Variants in HECW1 observed in about 807,000 individuals in gnomAD.
HECW1 encodes the protein E3 ubiquitin-protein ligase HECW1.
HECW1 carries 61 observed loss-of-function variants against 182.3 expected under a neutral mutation model. That is an observed-to-expected ratio of 0.33 (90% CI 0.27 to 0.41). The LOEUF (loss-of-function observed/expected upper bound fraction) is 0.41. Among genes scored for constraint, HECW1 ranks in the 10% least tolerant of loss-of-function variants. The pLI is 1.00. For missense variants in HECW1, 1,739 were observed against 2,108.9 expected (o/e 0.82, Z 3.44); for synonymous variants, 859 against 832.6 (o/e 1.03, Z -0.55).
intron 2 of HECW1, among the ~76,000 whole-genome samples, chr7:43,202,817 G>A (rs941044551): frequency 6.6e-6 from 1 of 152,160 alleles, no homozygotes; most frequent in African/African-American, 2.4e-5. Context: ...GAAAATGGCT[G>A]ATTCCTGCCT....
At chr7:43,186,755 T>G (rs1473973195) in intron 2 of HECW1, among the ~76,000 whole-genome samples, 1 of 152,192 alleles carries the variant, frequency 6.6e-6, no homozygotes, top group Non-Finnish European at 1.5e-5. Context: ...CACAAATACT[T>G]ACCATTGCAT....
chr7:43,127,142 C>A (rs1786336001), intron 2 of HECW1, among the ~76,000 whole-genome samples: 1 of 152,096 alleles, frequency 6.6e-6, no homozygotes, highest in Admixed American at 6.5e-5. Flanking sequence ...GCCTCTTGCA[C>A]CAAACAGTTA....
chr7:43,471,622 C>G (rs1302770282), intron 16 of HECW1, among the ~76,000 whole-genome samples: 2 of 152,174 alleles, frequency 1.3e-5, no homozygotes, highest in African/African-American at 4.8e-5. Flanking sequence ...TCTTCAGAGT[C>G]TGAGAAAGGA....
At chr7:43,407,881 A>T (rs2075664380) in intron 8 of HECW1, 150 bp downstream of exon 8, 1 of 684,958 alleles carries the variant, frequency 1.5e-6, no homozygotes, top group Non-Finnish European at 2.4e-6. Flanking sequence ...CATGTTCTCC[A>T]GGGGTTGCAA....
At chr7:43,471,756 T>C (rs1026458080) in intron 16 of HECW1, among the ~76,000 whole-genome samples, 1 of 152,216 alleles carries the variant, frequency 6.6e-6, no homozygotes, top group African/African-American at 2.4e-5. Flanking sequence ...GGGTCCTATC[T>C]TGTGGCAGAC....
At chr7:43,253,720 A>G (rs1381822922) in intron 3 of HECW1, among the ~76,000 whole-genome samples, 1 of 152,192 alleles carries the variant, frequency 6.6e-6, no homozygotes, top group Non-Finnish European at 1.5e-5. Context: ...AGCCTGGCCA[A>G]TATGGTGAAA....
chr7:43,389,095 C>T (rs1274466337), intron 6 of HECW1, among the ~76,000 whole-genome samples: 6 of 152,074 alleles, frequency 3.9e-5, no homozygotes, highest in Non-Finnish European at 7.4e-5. Context: ...GCCAAGGGGT[C>T]GCCAGAATCT....
At chr7:43,237,603 G>T (rs1798494356) in intron 2 of HECW1, among the ~76,000 whole-genome samples, 1 of 152,168 alleles carries the variant, frequency 6.6e-6, no homozygotes, top group African/African-American at 2.4e-5. Flanking sequence ...TTATTGTGAG[G>T]ATCAAATGGG....
intron 2 of HECW1, among the ~76,000 whole-genome samples, chr7:43,156,764 G>C (rs1789925301): frequency 6.7e-6 from 1 of 150,304 alleles, no homozygotes; most frequent in Non-Finnish European, 1.5e-5. Flanking sequence ...GCACTGGCCA[G>C]TGGAATAAGT....
Position 43,344,816 on chromosome 7 carries a change from A to G in HECW1, c.461-16070A>G, listed in dbSNP as rs116152633. Among the ~76,000 whole-genome samples the G allele has an allele frequency of 8.9e-3, 1,355 of 152,024 alleles. 22 individuals are homozygous for G. Among genetic ancestry groups the G allele is most frequent in the African/African-American group, 0.032 (1,315 of 41,450 alleles). ...ACTGTTAAACCTATTCATTGAGTTCACTATTTCAAAGTACAGTTTATCAGA... is the reference window on the plus strand; with the variant it reads ...ACTGTTAAACCTATTCATTGAGTTCGCTATTTCAAAGTACAGTTTATCAGA... On this transcript the variant is annotated intron_variant, in intron 5 of 29. Coordinates refer to ENST00000395891, the MANE Select transcript of HECW1 (RefSeq NM_015052.5).
At chr7:43,203,069 T>C (rs1795157508) in intron 2 of HECW1, among the ~76,000 whole-genome samples, 1 of 152,148 alleles carries the variant, frequency 6.6e-6, no homozygotes, top group South Asian at 2.1e-4. Context: ...AAAGCCTGTT[T>C]GGTGGTCTCT....
chr7:43,213,852 G>A (rs1439302735), intron 2 of HECW1, among the ~76,000 whole-genome samples: 1 of 152,010 alleles, frequency 6.6e-6, no homozygotes, highest in Admixed American at 6.5e-5. Context: ...ATAGCATTAG[G>A]AAGAAATTTT....
Position 43,479,698 on chromosome 7 carries a change from C to G in HECW1, c.3188C>G (p.Thr1063Ser). The G allele has an allele frequency of 6.2e-7, 1 of 1,614,108 alleles. No individual in the cohort carries two copies. Among genetic ancestry groups the G allele is most frequent in the Non-Finnish European group, 8.5e-7 (1 of 1,180,012 alleles). Residue 1063 changes from threonine (T) to serine (S), a missense_variant, in exon 17 of 30, where the codon ACT becomes AGT. By Grantham distance (58) the Thr-to-Ser change is moderately conservative. Around this residue, in one of 5 missense-constraint regions of HECW1, gnomAD observed 971 missense variants for 1,029.1 expected, o/e 0.94. Coordinates refer to ENST00000395891, the MANE Select transcript of HECW1 (RefSeq NM_015052.5). ...LQNGRLPNHL[T>S]HRQHLQRLRS... ...AACGGTCGTCTTCCCAATCATCTAACTCACCGACAGCACCTCCAGAGGCTC... is the reference window on the plus strand; with the variant it reads ...AACGGTCGTCTTCCCAATCATCTAAGTCACCGACAGCACCTCCAGAGGCTC...
intron 3 of HECW1, among the ~76,000 whole-genome samples, chr7:43,281,846 G>A (rs184628366): frequency 2.7e-4 from 40 of 150,412 alleles, no homozygotes; most frequent in Non-Finnish European, 3.2e-4. Context: ...AATATTATGG[G>A]TGTGAGCCAC....
At chr7:43,130,422 T>C (rs1190372823) in intron 2 of HECW1, among the ~76,000 whole-genome samples, 3 of 152,182 alleles carry the variant, frequency 2.0e-5, no homozygotes, top group East Asian at 3.8e-4. Flanking sequence ...TCTGTGTACA[T>C]TGAACCGTCA....
In HECW1 at chr7:43,552,209, A is replaced by C. The variant is rs1241676595; in HGVS notation, c.4396-13A>C. 1 of 1,561,034 alleles carries C rather than the reference A, an allele frequency of 6.4e-7. No individual in the cohort carries two copies. Among genetic ancestry groups the C allele is most frequent in the South Asian group, 1.1e-5 (1 of 90,146 alleles). ...GTTTGGACCTGGATGCTGAAGCCTA[A>C]CCTGCATTTCAGGTTGTAGACTCGA... On this transcript the variant is annotated splice_polypyrimidine_tract_variant and intron_variant, in intron 27 of 29. Coordinates refer to ENST00000395891, the MANE Select transcript of HECW1 (RefSeq NM_015052.5).
intron 24 of HECW1, chr7:43,510,148 G>A (rs1337898979): frequency 2.0e-5 from 3 of 152,256 alleles, no homozygotes; most frequent in Non-Finnish European, 4.4e-5. Flanking sequence ...TGATGGAGCA[G>A]AGCAGACAAG....
chr7:43,459,619 C>T (rs933491386), intron 13 of HECW1, among the ~76,000 whole-genome samples: 2 of 151,766 alleles, frequency 1.3e-5, no homozygotes, highest in Non-Finnish European at 2.9e-5. Context: ...CTCACTGCAA[C>T]CTCCGCCTCC....
chr7:43,470,808 CAT>C (rs2077993059), intron 16 of HECW1, among the ~76,000 whole-genome samples: 1 of 152,194 alleles, frequency 6.6e-6, no homozygotes, highest in African/African-American at 2.4e-5. Flanking sequence ...TACACACACT[CAT>C]AGTTACAGAA....
Sources: allele counts gnomAD v4.1 joint callset (sites outside exome capture counted in the v4.1 genomes callset), GRCh38; gene constraint gnomAD v4.1.1; regional missense constraint gnomAD v4.1.1; transcripts MANE v1.5; gene names NCBI Gene and HGNC (gene_info 2026-07-23, HGNC 2026-07-21).